BAIAP2L1: variants seen among roughly 807,000 people sequenced by gnomAD.
BAIAP2L1 encodes BAR/IMD domain containing adaptor protein 2 like 1, also known as BAR/IMD domain-containing adapter protein 2-like 1.
A neutral mutation model predicts 66.3 loss-of-function variants in BAIAP2L1; 35 were observed. The observed-to-expected ratio is 0.53, with a 90% CI of 0.40 to 0.70. The LOEUF (loss-of-function observed/expected upper bound fraction) is 0.70. BAIAP2L1 is among the 30% of genes least tolerant of loss of function. The pLI, the probability that BAIAP2L1 is intolerant of heterozygous loss-of-function variation, is 0.00. For missense variants in BAIAP2L1, 622 were observed against 656.9 expected, an observed-to-expected ratio of 0.95 and a Z score of 0.58; for synonymous variants, 269 against 248.7, an observed-to-expected ratio of 1.08 and a Z score of -0.77.
rs558950897 is a variant in BAIAP2L1 at position 98,292,360 on chromosome 7, C to A, written c.*1161G>T. 1.9e-5 allele frequency: 8 copies of A among 418,966 alleles called. No homozygotes were observed. The highest frequency in any genetic ancestry group is 3.5e-5 in the Non-Finnish European group (8 of 228,316). 26.0% of individuals were successfully genotyped at this position (418,966 alleles called of 1,614,324 possible). A position where few individuals can be genotyped will look rare whatever the true frequency, so the allele number is the denominator to read the frequency against. ...CCTCAGCCTCCTGAGTGGCGCCCAC[C>A]ACCACACCTGTCTAATTTTTGTATT... On this transcript the variant is annotated 3_prime_UTR_variant, in exon 14 of 14. Coordinates refer to ENST00000005260, the MANE Select transcript of BAIAP2L1 (RefSeq NM_018842.5).
chr7:98,368,363 G>A (rs1435163319), intron 1 of BAIAP2L1, among the ~76,000 whole-genome samples: 2 of 152,200 alleles, frequency 1.3e-5, no homozygotes, highest in East Asian at 3.9e-4. Flanking sequence ...AGGTTGCAGT[G>A]AGCTGAGACC....
chr7:98,328,787 C>A (rs1003608790), intron 3 of BAIAP2L1, among the ~76,000 whole-genome samples: 3 of 152,096 alleles, frequency 2.0e-5, no homozygotes, highest in South Asian at 4.1e-4. Context: ...GAAATAAAAT[C>A]CACACATGTG....
chr7:98,309,740 A>G (rs1800801135), intron 9 of BAIAP2L1: 1 of 151,980 alleles, frequency 6.6e-6, no homozygotes, highest in Non-Finnish European at 1.5e-5. Flanking sequence ...CCTGTGAGAC[A>G]CCCCACGTGG....
At chr7:98,395,463 G>A (rs1357528474) in intron 1 of BAIAP2L1, among the ~76,000 whole-genome samples, 4 of 151,088 alleles carry the variant, frequency 2.6e-5, no homozygotes, top group East Asian at 1.9e-4. Context: ...AGTTAGGAGA[G>A]GGGCTACCCT....
At chr7:98,355,282 G>T in intron 2 of BAIAP2L1, 154 bp from the exon 3 acceptor site, 1 of 639,706 alleles carries the variant, frequency 1.6e-6, no homozygotes. Context: ...CCTGTGTTGA[G>T]AGTGGTGCCG....
chr7:98,307,544 A>C (rs1049504093), intron 10 of BAIAP2L1, 145 bp downstream of exon 10: 14 of 1,461,362 alleles, frequency 9.6e-6, no homozygotes, highest in Non-Finnish European at 1.3e-5. Context: ...GGATCGAATA[A>C]CTTCAGTTAA....
chr7:98,350,920 G>A (rs1003241192), intron 3 of BAIAP2L1, among the ~76,000 whole-genome samples: 2 of 151,926 alleles, frequency 1.3e-5, no homozygotes, highest in South Asian at 2.1e-4. Context: ...GTAGTGGAGC[G>A]ATCTTGGCTC....
intron 5 of BAIAP2L1, among the ~76,000 whole-genome samples, chr7:98,319,703 TGCTCA>T (rs1801189781): frequency 6.6e-6 from 1 of 152,038 alleles, no homozygotes; most frequent in Non-Finnish European, 1.5e-5. Context: ...TGCACCACCA[TGCTCA>T]GCTAATTTTT....
intron 9 of BAIAP2L1, 157 bp downstream of exon 9, chr7:98,310,288 G>C: frequency 2.9e-6 from 2 of 697,860 alleles, no homozygotes; most frequent in Non-Finnish European, 4.6e-6. Context: ...TATTTCTTCT[G>C]AACTCACGCT....
chr7:98,298,403 G>A (rs1800277944), intron 12 of BAIAP2L1, among the ~76,000 whole-genome samples: 1 of 152,216 alleles, frequency 6.6e-6, no homozygotes, highest in South Asian at 2.1e-4. Flanking sequence ...ACAAGGTCAG[G>A]AGATCGAGAT....
intron 3 of BAIAP2L1, among the ~76,000 whole-genome samples, chr7:98,324,567 A>G (rs768122447): frequency 3.9e-5 from 6 of 152,166 alleles, no homozygotes; most frequent in Non-Finnish European, 8.8e-5. Flanking sequence ...TTCATTGGAA[A>G]CACAGGGCCA....
intron 1 of BAIAP2L1, 50 bp downstream of exon 1, chr7:98,400,752 C>T: frequency 6.5e-7 from 1 of 1,542,104 alleles, no homozygotes; most frequent in Non-Finnish European, 8.8e-7. Flanking sequence ...CCCTTCTGAA[C>T]CCCGAGGTGG....
chr7:98,384,991 A>G (rs1377195714), intron 1 of BAIAP2L1, among the ~76,000 whole-genome samples: 1 of 152,154 alleles, frequency 6.6e-6, no homozygotes, highest in African/African-American at 2.4e-5. Flanking sequence ...GAGCCACGGC[A>G]ATCAACCTCA....
At chr7:98,386,693 GTTTTTTTTTTTTT>G in intron 1 of BAIAP2L1, 4 of 185,822 alleles carry the variant, frequency 2.2e-5, no homozygotes, top group Middle Eastern at 2.3e-3. Flanking sequence ...CTTTCCAAAG[GTTTTTTTTTTTTT>G]TTTTTTTTTT....
rs983953515 is a variant in BAIAP2L1, at chr7:98,292,460, C to G, written c.*1061G>C. The G allele has an allele frequency of 6.4e-6, 4 of 626,048 alleles. No individual in the cohort carries two copies. The highest frequency in any genetic ancestry group is 1.1e-5 in the Non-Finnish European group (4 of 358,630). The allele number at this position is 626,048 out of a possible 1,614,324, so 38.8% of individuals were successfully genotyped here. A position where few individuals can be genotyped will look rare whatever the true frequency, so the allele number is the denominator to read the frequency against. On this transcript the variant is annotated 3_prime_UTR_variant, in exon 14 of 14. Transcript: ENST00000005260. ...AAATGCTGGGATTCCCGTACCTGGG[C>G]CGGGCTGGGAATTTTAACCATGACT...
At chr7:98,296,284 T>C (rs941656401) in intron 12 of BAIAP2L1, among the ~76,000 whole-genome samples, 1 of 152,250 alleles carries the variant, frequency 6.6e-6, no homozygotes, top group Non-Finnish European at 1.5e-5. Flanking sequence ...TGAAAATTCA[T>C]TGTGTGCTTT....
intron 9 of BAIAP2L1, 67 bp from the exon 10 acceptor site, chr7:98,307,963 G>T (rs1394280332): frequency 6.9e-7 from 1 of 1,446,948 alleles, no homozygotes; most frequent in Non-Finnish European, 9.7e-7. Context: ...ATTCCAATGA[G>T]CAAACCCCAG....
Position 98,359,208 on chromosome 7 carries a change from C to A in BAIAP2L1, c.127+3149G>T, listed in dbSNP as rs569708487. On this transcript the variant is annotated intron_variant, in intron 2 of 13. Coordinates refer to ENST00000005260, the MANE Select transcript of BAIAP2L1 (RefSeq NM_018842.5). ...AGTGCACAGTGATCTGACCCTATCC[C>A]GCCCACGCCCCAGCAGTGTGCCACC... Among the ~76,000 whole-genome samples the A allele has an allele frequency of 3.3e-5, 5 of 152,130 alleles. No homozygotes were observed. In the East Asian group the frequency reaches 9.7e-4, roughly 29 times the overall value.
At chr7:98,358,290 C>G (rs1802186722) in intron 2 of BAIAP2L1, among the ~76,000 whole-genome samples, 1 of 149,826 alleles carries the variant, frequency 6.7e-6, no homozygotes, top group Non-Finnish European at 1.5e-5. Flanking sequence ...AATTTTGCCT[C>G]CCTTTTGTGA....
Sources: gnomAD v4.1 joint callset for allele counts (sites outside exome capture counted in the v4.1 genomes callset) on GRCh38, gnomAD v4.1.1 for gene constraint, MANE v1.5 for transcripts, NCBI Gene and HGNC (gene_info 2026-07-23, HGNC 2026-07-21) for gene names.